THSD4: variants seen among roughly 807,000 people sequenced by gnomAD.
The protein encoded by THSD4 is thrombospondin type-1 domain-containing protein 4.
In THSD4, 69 loss-of-function variants were observed where a neutral mutation model predicts 119.0. That is an observed-to-expected ratio of 0.58 (90% CI 0.48 to 0.71). THSD4 has a LOEUF of 0.71. Ranked by LOEUF, THSD4 falls within the 30% of genes least tolerant of loss-of-function variation. The probability of loss-of-function intolerance (pLI) is 0.00; values close to 1 mark genes in which losing one functional copy is unlikely to be tolerated. For synonymous variants in THSD4, 524 were observed against 540.4 expected (o/e 0.97, Z 0.42); for missense variants, 1,393 against 1,391.1 (o/e 1.00, Z -0.02).
intron 3 of THSD4, among the ~76,000 whole-genome samples, chr15:71,206,586 A>T (rs761983821): frequency 6.6e-6 from 1 of 152,236 alleles, no homozygotes; most frequent in Non-Finnish European, 1.5e-5. Flanking sequence ...CTCGTTTTCT[A>T]TGAAGAACAG....
At chr15:71,335,725 T>G (rs754401557) in intron 6 of THSD4, among the ~76,000 whole-genome samples, 10 of 152,202 alleles carry the variant, frequency 6.6e-5, no homozygotes, top group Non-Finnish European at 1.3e-4. Flanking sequence ...AGCTGAGACC[T>G]CAACAGCTGT....
intron 7 of THSD4, among the ~76,000 whole-genome samples, chr15:71,637,435 G>A (rs974888233): frequency 3.3e-5 from 5 of 152,194 alleles, no homozygotes; most frequent in African/African-American, 1.2e-4. Flanking sequence ...CATGATCTCA[G>A]TGTCGTGGAA....
At position 71,164,357 on chromosome 15, in the gene THSD4, C is replaced by G. The variant is rs572590473; in HGVS notation, c.99+9425C>G. Among the ~76,000 whole-genome samples, 280 of 147,232 alleles carry G rather than the reference C, an allele frequency of 1.9e-3. 1 individual carries two copies. The highest frequency in any genetic ancestry group is 3.8e-3 in the South Asian group (17 of 4,524). ...AGAAGCATTCAGAATGTCAACAAAA[C>G]AGCTGCAACTTTTTTTTTTTTTTTT... On this transcript the variant is annotated intron_variant, in intron 3 of 17. Transcript: ENST00000261862.
chr15:71,561,936 T>A (rs1281782571), intron 7 of THSD4, among the ~76,000 whole-genome samples: 2 of 149,206 alleles, frequency 1.3e-5, no homozygotes, highest in South Asian at 2.1e-4. Flanking sequence ...TCACTCACTC[T>A]CTCTCTTCTC....
chr15:71,550,875 C>T (rs557412537), intron 7 of THSD4, among the ~76,000 whole-genome samples: 1 of 152,248 alleles, frequency 6.6e-6, no homozygotes, highest in Admixed American at 6.5e-5. Context: ...AATTTTGTGA[C>T]TATCCTAAAA....
intron 6 of THSD4, among the ~76,000 whole-genome samples, chr15:71,394,126 G>C (rs1040184565): frequency 6.7e-6 from 1 of 148,884 alleles, no homozygotes; most frequent in African/African-American, 2.5e-5. Flanking sequence ...CATTCAATGT[G>C]TGCTGCATAT....
chr15:71,673,684 A>G lies in THSD4; in HGVS notation c.1357+12950A>G, dbSNP rs557499005. Among the ~76,000 whole-genome samples, 43 of 152,312 alleles carry G rather than the reference A, an allele frequency of 2.8e-4. No individual in the cohort carries two copies. The East Asian group carries it at 8.1e-3, about 29-fold the overall frequency. On this transcript the variant is annotated intron_variant, in intron 8 of 17. Coordinates refer to ENST00000261862, the MANE Select transcript of THSD4 (RefSeq NM_024817.3). ...AAATGTGTCCCAGAGATTCTGGTAC[A>G]TTGTGTCTTTGTTCTCATTGGTTTC...
At position 71,321,658 on chromosome 15, in the gene THSD4, T is replaced by C. The variant is rs544958180; in HGVS notation, c.1015+64943T>C. On this transcript the variant is annotated intron_variant, in intron 6 of 17. Transcript: ENST00000261862. The stretch of plus-strand genomic sequence containing the variant: ...AAATCATATTCTAAGAATAGATTTA[T>C]TTAATAACTAAGTTATTAAAATATT... 6.6e-5 allele frequency among the ~76,000 whole-genome samples: 10 copies of C among 152,360 alleles called. No individual in the cohort carries two copies. In the South Asian group the frequency reaches 1.9e-3, roughly 28 times the overall value.
At chr15:71,204,947 GC>G (rs1434264101) in intron 3 of THSD4, among the ~76,000 whole-genome samples, 2 of 152,154 alleles carry the variant, frequency 1.3e-5, no homozygotes, top group Non-Finnish European at 1.5e-5. Flanking sequence ...GCATTTGGGG[GC>G]TAAGGAAGTA....
chr15:71,265,193 G>A (rs1313519021), intron 6 of THSD4, among the ~76,000 whole-genome samples: 2 of 152,066 alleles, frequency 1.3e-5, no homozygotes, highest in African/African-American at 2.4e-5. Context: ...GCTCCGGTCT[G>A]CAGCTCCCAG....
intron 7 of THSD4, among the ~76,000 whole-genome samples, chr15:71,423,652 G>A (rs1211118812): frequency 2.0e-5 from 3 of 152,162 alleles, no homozygotes; most frequent in African/African-American, 4.8e-5. Context: ...GGAGGAGGCG[G>A]AGTGTAAACA....
chr15:71,584,521 G>A (rs2049626006), intron 7 of THSD4, among the ~76,000 whole-genome samples: 1 of 151,382 alleles, frequency 6.6e-6, no homozygotes, highest in Non-Finnish European at 1.5e-5. Flanking sequence ...TGCCCACCTT[G>A]GCCTCCCAAA....
intron 6 of THSD4, among the ~76,000 whole-genome samples, chr15:71,400,828 A>G (rs146474403): frequency 2.2e-3 from 339 of 150,908 alleles, no homozygotes; most frequent in African/African-American, 7.8e-3. Flanking sequence ...ATATTCCACA[A>G]AAAAAGAAAA....
At chr15:71,607,672 A>G (rs2050134832) in intron 7 of THSD4, among the ~76,000 whole-genome samples, 1 of 152,206 alleles carries the variant, frequency 6.6e-6, no homozygotes, top group Non-Finnish European at 1.5e-5. Context: ...GTAGGGCTTA[A>G]TGAGGCGTGG....
At chr15:71,699,554 T>G (rs1444520557) in intron 8 of THSD4, among the ~76,000 whole-genome samples, 1 of 152,046 alleles carries the variant, frequency 6.6e-6, no homozygotes, top group African/African-American at 2.4e-5. Flanking sequence ...CAGCCCAGAG[T>G]TTGCCAAAGC....
At chr15:71,574,273 G>A (rs888446521) in intron 7 of THSD4, among the ~76,000 whole-genome samples, 1 of 152,112 alleles carries the variant, frequency 6.6e-6, no homozygotes, top group Non-Finnish European at 1.5e-5. Flanking sequence ...AAACATTTAT[G>A]ATAGGCTCAA....
At chr15:71,679,090 A>C (rs4777437) in intron 8 of THSD4, among the ~76,000 whole-genome samples, 2 of 152,164 alleles carry the variant, frequency 1.3e-5, no homozygotes, top group Non-Finnish European at 2.9e-5. Flanking sequence ...GTAAGCACCT[A>C]CTGTGTACAA....
At chr15:71,141,248 G>A (rs779524828) in intron 1 of THSD4, among the ~76,000 whole-genome samples, 3 of 152,198 alleles carry the variant, frequency 2.0e-5, no homozygotes, top group Non-Finnish European at 4.4e-5. Context: ...TGTGGGTCAG[G>A]CACTGTGCTG....
intron 6 of THSD4, among the ~76,000 whole-genome samples, chr15:71,276,527 A>T (rs2044592194): frequency 6.6e-6 from 1 of 152,098 alleles, no homozygotes; most frequent in African/African-American, 2.4e-5. Context: ...TGATGCCTTG[A>T]TTGGGCTTGG....
Sources: allele counts gnomAD v4.1 joint callset (sites outside exome capture counted in the v4.1 genomes callset), GRCh38; gene constraint gnomAD v4.1.1; transcripts MANE v1.5; gene names NCBI Gene and HGNC (gene_info 2026-07-23, HGNC 2026-07-21).